ARMCX4: variants seen among roughly 807,000 people sequenced by gnomAD.
ARMCX4 encodes the protein armadillo repeat-containing X-linked protein 4.
Under a neutral mutation model 34.7 loss-of-function variants are expected in ARMCX4, and 3 were observed. The observed-to-expected ratio is 0.09, with a 90% CI of 0.04 to 0.22. ARMCX4 has a LOEUF of 0.22. Ranked by LOEUF, ARMCX4 falls within the 10% of genes least tolerant of loss-of-function variation. The pLI is 1.00. For missense variants in ARMCX4, 1,448 were observed against 1,720.8 expected (o/e 0.84, Z 2.81); for synonymous variants, 513 against 632.8 (o/e 0.81, Z 2.84).
rs782097902 is a variant in ARMCX4, at chrX:101,522,533, T to G, written c.*1781-9111T>G. 3.6e-5 allele frequency among the ~76,000 whole-genome samples: 4 copies of G among 112,494 alleles called. No homozygotes were observed. The East Asian group carries it at 1.1e-3, about 31-fold the overall frequency. The stretch of plus-strand genomic sequence containing the variant: ...GATTCACATATGCCATTTTACTATT[T>G]GTTTTCTATATGTCTCATATCTTTT... On this transcript the variant is annotated intron_variant and NMD_transcript_variant, in intron 11 of 12. Coordinates refer to the ARMCX4 transcript ENST00000354842.
At chrX:101,480,644 C>A (rs1371830797), upstream of ARMCX4, among the ~76,000 whole-genome samples, 1 of 111,027 alleles carries the variant, frequency 9.0e-6, no homozygotes, top group Non-Finnish European at 1.9e-5. Context: ...TATGTACAAC[C>A]TATATAACAG....
intron 8 of ARMCX4, among the ~76,000 whole-genome samples, chrX:101,507,675 T>C (rs187324000): frequency 4.5e-5 from 5 of 111,771 alleles, no homozygotes; most frequent in African/African-American, 6.5e-5. Context: ...TGAGAAAGAG[T>C]GTATAGTATA....
downstream of ARMCX4, among the ~76,000 whole-genome samples, chrX:101,534,265 G>T (rs1431356019): frequency 1.8e-5 from 2 of 111,593 alleles, no homozygotes; most frequent in African/African-American, 6.5e-5. Flanking sequence ...AAACTGGGTT[G>T]TTGGATAGAA....
intron 4 of ARMCX4, among the ~76,000 whole-genome samples, chrX:101,460,915 G>A (rs1472543433): frequency 9.0e-6 from 1 of 111,189 alleles, no homozygotes; most frequent in Non-Finnish European, 1.9e-5. Flanking sequence ...CTGGTAGTTA[G>A]GAGAGGCTTA....
chrX:101,426,117 C>A (rs942342886), intron 2 of ARMCX4, among the ~76,000 whole-genome samples: 3 of 111,449 alleles, frequency 2.7e-5, no homozygotes, highest in African/African-American at 9.8e-5. Context: ...GCTGCTGCAC[C>A]CAGCCAAGGA....
In ARMCX4 at chrX:101,460,536, A is replaced by T. The variant is rs561459996; in HGVS notation, c.-473+14492A>T. Among the ~76,000 whole-genome samples, 17 of 112,189 alleles carry T rather than the reference A, an allele frequency of 1.5e-4. No homozygotes were observed. In the East Asian group the frequency reaches 4.7e-3, roughly 31 times the overall value. Reference sequence around the variant, plus strand: ...GTAGTGAAACCTGGAATTACTGTAAAGCTTTCCCCATGGTGTCTGGAATCC... The same window carrying T: ...GTAGTGAAACCTGGAATTACTGTAATGCTTTCCCCATGGTGTCTGGAATCC... On this transcript the variant is annotated intron_variant and NMD_transcript_variant, in intron 4 of 15. Transcript: ENST00000433011.
intron 12 of ARMCX4, chrX:101,532,492 A>G (rs1280779104): frequency 3.6e-5 from 4 of 111,209 alleles, no homozygotes; most frequent in Non-Finnish European, 7.5e-5. Context: ...ATTGAGCCCA[A>G]TTACTAAGGG....
chrX:101,482,956 C>T (rs1411175889), upstream of ARMCX4, among the ~76,000 whole-genome samples: 2 of 84,914 alleles, frequency 2.4e-5, no homozygotes, highest in Admixed American at 3.4e-4. Context: ...AGTGCAGTGG[C>T]GTGATCTAGG....
At chrX:101,432,241 C>T (rs1930084046) in intron 2 of ARMCX4, among the ~76,000 whole-genome samples, 1 of 111,622 alleles carries the variant, frequency 9.0e-6, no homozygotes, top group South Asian at 3.7e-4. Flanking sequence ...TATGTCTTGC[C>T]TCTGGAATGG....
rs1556009176 is a variant in ARMCX4, at chrX:101,491,546, G to A, written c.2957G>A (p.Gly986Asp). 8.7e-7 allele frequency: 1 copy of A among 1,155,701 alleles called. No homozygotes were observed. The change falls in exon 6 of 6, where the codon GGC (glycine) becomes GAC (aspartate). Residue 986 changes from glycine (G) to aspartate (D), a missense_variant. This residue lies in a region of ARMCX4 where 1,343 missense variants were observed against 1,540.7 expected (regional missense o/e 0.87). Transcript: ENST00000423738. Reference protein sequence around the residue: ...PKAEAGADTVGSAQPQAVANS... With the variant: ...PKAEAGADTVDSAQPQAVANS... ...GCAGAGGCTGGGGCAGATACAGTGG[G>A]CTCTGCCCAGCCCCAAGCTGTCGCT...
intron 11 of ARMCX4, among the ~76,000 whole-genome samples, chrX:101,519,836 T>C (rs1406395734): frequency 9.0e-6 from 1 of 111,278 alleles, no homozygotes; most frequent in Non-Finnish European, 1.9e-5. Context: ...ACACTGGTTA[T>C]CTTTTTTTTT....
chrX:101,491,780 C>T lies in ARMCX4; in HGVS notation c.3191C>T (p.Ala1064Val). Reference protein sequence around the residue: ...AEATAEDEAYAKPEAEAMPTS... With the variant: ...AEATAEDEAYVKPEAEAMPTS... Reference sequence around the variant, plus strand: ...GCCACAGCAGAAGATGAGGCCTATGCAAAGCCTGAGGCTGAGGCCATGCCC... The same window carrying T: ...GCCACAGCAGAAGATGAGGCCTATGTAAAGCCTGAGGCTGAGGCCATGCCC... The change falls in exon 6 of 6, where the codon GCA (alanine) becomes GTA (valine). Residue 1064 changes from alanine to valine, a missense_variant. By Grantham distance (64) the Ala-to-Val change is moderately conservative. Around this residue, in one of 2 missense-constraint regions of ARMCX4, gnomAD observed 1,343 missense variants for 1,540.7 expected, o/e 0.87. Coordinates refer to ENST00000423738, the MANE Select transcript of ARMCX4 (RefSeq NM_001256155.3). The T allele has an allele frequency of 8.6e-7, 1 of 1,156,493 alleles. No individual in the cohort carries two copies. Among genetic ancestry groups the T allele is most frequent in the Non-Finnish European group, 1.1e-6 (1 of 872,926 alleles).
At chrX:101,481,230 C>G (rs1386117327), upstream of ARMCX4, among the ~76,000 whole-genome samples, 2 of 112,471 alleles carry the variant, frequency 1.8e-5, no homozygotes, top group Non-Finnish European at 3.8e-5. Context: ...GATTTTTTTA[C>G]TTTAATTGGT....
At position 101,493,080 on chromosome X, in the gene ARMCX4, T is replaced by C; in HGVS notation, c.4491T>C (p.Asp1497=). 1 of 1,153,437 alleles carries C rather than the reference T, an allele frequency of 8.7e-7. No homozygotes were observed. The highest frequency in any genetic ancestry group is 2.6e-5 in the Admixed American group (1 of 38,653). Reference sequence around the variant, plus strand: ...GGCTTAGGGACCAGTCTAGTGGAGATTCCTGGGCTGGCACTGGGGACCAGG... The same window carrying C: ...GGCTTAGGGACCAGTCTAGTGGAGACTCCTGGGCTGGCACTGGGGACCAGG... ...RLGLRDQSSG[D]SWAGTGDQAS... Residue 1497 remains aspartate (D), a synonymous_variant, in exon 6 of 6, where the codon GAT becomes GAC. Transcript: ENST00000423738.
Position 101,489,993 on chromosome X carries a change from G to C in ARMCX4, c.1404G>C (p.Met468Ile). 1 of 1,155,101 alleles carries C rather than the reference G, an allele frequency of 8.7e-7. No homozygotes were observed. The highest frequency in any genetic ancestry group is 1.1e-6 in the Non-Finnish European group (1 of 872,619). Reference protein sequence around the residue: ...VMAKVGDGTDMLSCTQPQLVA... With the variant: ...VMAKVGDGTDILSCTQPQLVA... ...CTAAGGTGGGGGATGGGACAGACAT[G>C]TTGTCCTGTACACAGCCTCAGCTTG... The change falls in exon 6 of 6, where the codon ATG (methionine) becomes ATC (isoleucine). Residue 468 changes from methionine (M) to isoleucine (I), a missense_variant. Physicochemically the swap from Met to Ile is conservative, Grantham distance 10 (BLOSUM62 1). Coordinates refer to ENST00000423738, the MANE Select transcript of ARMCX4 (RefSeq NM_001256155.3).
intron 4 of ARMCX4, among the ~76,000 whole-genome samples, chrX:101,471,525 G>A (rs906424163): frequency 2.0e-4 from 22 of 112,012 alleles, no homozygotes; most frequent in Non-Finnish European, 3.0e-4. Flanking sequence ...ATCAGATTTA[G>A]AGAGAATGGA....
rs1556017492 is a variant in ARMCX4, at chrX:101,515,393, C to CTTTCTTT, written c.*1780+4338_*1780+4339insTTTCTTT. ...TTTCTTTCTTTCTTTTTCTTTCTTT[C>CTTTCTTT]CCTCCCTCCCTCCCTCCCTCTCTTC... On this transcript the variant is annotated intron_variant and NMD_transcript_variant, in intron 11 of 12. Coordinates refer to the ARMCX4 transcript ENST00000354842. Among the ~76,000 whole-genome samples the CTTTCTTT allele has an allele frequency of 8.4e-3, 88 of 10,428 alleles. 3 individuals carry two copies. The highest frequency in any genetic ancestry group is 9.5e-3 in the Non-Finnish European group (55 of 5,782). The allele number at this position is 10,428 out of a possible 115,157, so 9.1% of individuals were successfully genotyped here. A position where few individuals can be genotyped will look rare whatever the true frequency, so the allele number is the denominator to read the frequency against.
intron 4 of ARMCX4, among the ~76,000 whole-genome samples, chrX:101,471,813 C>A (rs1556003079): frequency 9.0e-6 from 1 of 111,207 alleles, no homozygotes; most frequent in Non-Finnish European, 1.9e-5. Flanking sequence ...CTGTACATCA[C>A]CATCATCAAA....
downstream of ARMCX4, chrX:101,498,317 A>C (rs1405374913): frequency 7.3e-6 from 2 of 273,967 alleles, no homozygotes; most frequent in Non-Finnish European, 1.4e-5. Context: ...GTCAATGAAG[A>C]CTCCATCATT....
Sources: gnomAD v4.1 joint callset for allele counts (sites outside exome capture counted in the v4.1 genomes callset) on GRCh38, gnomAD v4.1.1 for gene constraint, gnomAD v4.1.1 regional missense constraint, MANE v1.5 for transcripts, NCBI Gene and HGNC (gene_info 2026-07-23, HGNC 2026-07-21) for gene names.